NTM: variants seen among roughly 807,000 people sequenced by gnomAD.
NTM encodes the protein neurotrimin.
NTM carries 13 observed loss-of-function variants against 42.1 expected under a neutral mutation model. The ratio of observed to expected loss-of-function variants is 0.31; its 90% CI spans 0.20 to 0.49. The LOEUF is 0.49. NTM is among the 20% of genes least tolerant of loss of function. The pLI, the probability that NTM is intolerant of heterozygous loss-of-function variation, is 0.99. For missense variants in NTM, 373 were observed against 452.8 expected, an observed-to-expected ratio of 0.82 and a Z score of 1.60; for synonymous variants, 187 against 179.2, an observed-to-expected ratio of 1.04 and a Z score of -0.35.
chr11:131,597,900 T>C (rs2512885), intron 1 of NTM, among the ~76,000 whole-genome samples: 64,787 of 152,154 alleles, frequency 0.43, 16,035 homozygotes, highest in East Asian at 0.61. Context: ...TGAAAAGAAG[T>C]CCATCAGGAG....
chr11:131,611,123 C>T (rs140711959), intron 1 of NTM, among the ~76,000 whole-genome samples: 89 of 152,064 alleles, frequency 5.9e-4, no homozygotes, highest in African/African-American at 1.9e-3. Context: ...GAAGAGGCAT[C>T]GGGGACCAAG....
At chr11:131,699,250 AC>A (rs2135146053) in intron 1 of NTM, among the ~76,000 whole-genome samples, 1 of 152,304 alleles carries the variant, frequency 6.6e-6, no homozygotes, top group Admixed American at 6.5e-5. Context: ...GAAATTAGAA[AC>A]GTACTTTCCA....
intron 1 of NTM, among the ~76,000 whole-genome samples, chr11:131,784,179 A>T (rs1459476712): frequency 6.6e-6 from 1 of 152,184 alleles, no homozygotes; most frequent in East Asian, 1.9e-4. Context: ...ATTCTCATAT[A>T]TTGCTGGTAG....
At chr11:131,869,351 T>C (rs2047547869) in intron 1 of NTM, among the ~76,000 whole-genome samples, 2 of 152,202 alleles carry the variant, frequency 1.3e-5, no homozygotes, top group Admixed American at 6.5e-5. Context: ...TGCCAGTCAT[T>C]GTGTGATTTA....
intron 2 of NTM, among the ~76,000 whole-genome samples, chr11:131,936,207 T>G (rs2059200531): frequency 6.6e-6 from 1 of 152,226 alleles, no homozygotes; most frequent in Non-Finnish European, 1.5e-5. Context: ...TAACGTTGGT[T>G]AAAATTAAAA....
At chr11:132,276,475 T>A (rs2093731346) in intron 4 of NTM, among the ~76,000 whole-genome samples, 1 of 152,048 alleles carries the variant, frequency 6.6e-6, no homozygotes, top group African/African-American at 2.4e-5. Context: ...TGGTAAACAG[T>A]TTCCTAAATT....
chr11:131,448,084 C>T (rs1950200910), intron 1 of NTM, among the ~76,000 whole-genome samples: 1 of 152,260 alleles, frequency 6.6e-6, no homozygotes, highest in South Asian at 2.1e-4. Context: ...TGCCACCTCT[C>T]AGCACGTGTG....
At chr11:132,112,311 C>A (rs2063317530) in intron 2 of NTM, among the ~76,000 whole-genome samples, 1 of 152,282 alleles carries the variant, frequency 6.6e-6, no homozygotes, top group South Asian at 2.1e-4. Flanking sequence ...CAGCCTAGTT[C>A]TCTTCTTGCA....
chr11:131,859,082 C>CCATCCATCCATCCGTCCATCCATGTGTG (rs2136934472), intron 1 of NTM, among the ~76,000 whole-genome samples: 1 of 152,272 alleles, frequency 6.6e-6, no homozygotes, highest in African/African-American at 2.4e-5. Flanking sequence ...CAACATCCAT[C>CCATCCATCCATCCGTCCATCCATGTGTG]CATCCATCCA....
At chr11:131,984,749 C>T (rs1423757413) in intron 2 of NTM, 1 of 152,076 alleles carries the variant, frequency 6.6e-6, no homozygotes, top group Non-Finnish European at 1.5e-5. Flanking sequence ...TATTTTCAGG[C>T]AGATCCATTT....
At chr11:131,499,160 G>A (rs1420881914) in intron 1 of NTM, among the ~76,000 whole-genome samples, 2 of 152,190 alleles carry the variant, frequency 1.3e-5, no homozygotes, top group Admixed American at 1.3e-4. Context: ...AAAATGTCAG[G>A]AAACATAGAT....
intron 1 of NTM, among the ~76,000 whole-genome samples, chr11:131,692,103 A>G (rs1465126367): frequency 6.6e-6 from 1 of 152,164 alleles, no homozygotes; most frequent in Non-Finnish European, 1.5e-5. Context: ...ACAGGCTGAC[A>G]CTTCGCGGTT....
chr11:131,924,055 C>G (rs889788950), intron 2 of NTM, among the ~76,000 whole-genome samples: 1 of 152,222 alleles, frequency 6.6e-6, no homozygotes, highest in Non-Finnish European at 1.5e-5. Flanking sequence ...AAGGACCTGG[C>G]CTGCAGTGGG....
At chr11:131,773,075 T>C (rs751373721) in intron 1 of NTM, among the ~76,000 whole-genome samples, 80 of 152,340 alleles carry the variant, frequency 5.3e-4, no homozygotes, top group Non-Finnish European at 1.0e-3. Context: ...AGACTGAGTA[T>C]CTTATAAATA....
intron 1 of NTM, among the ~76,000 whole-genome samples, chr11:131,751,299 T>A (rs2082477073): frequency 6.6e-6 from 1 of 151,342 alleles, no homozygotes; most frequent in South Asian, 2.1e-4. Context: ...AATAAATAAA[T>A]AAAAAGGCTG....
At chr11:131,899,377 T>A (rs2052775872) in intron 1 of NTM, among the ~76,000 whole-genome samples, 1 of 152,210 alleles carries the variant, frequency 6.6e-6, no homozygotes, top group South Asian at 2.1e-4. Context: ...ATAGTATTTT[T>A]AAAAATGCCT....
intron 1 of NTM, among the ~76,000 whole-genome samples, chr11:131,447,608 G>T (rs1164324130): frequency 1.3e-5 from 2 of 152,140 alleles, no homozygotes; most frequent in Non-Finnish European, 2.9e-5. Flanking sequence ...TGGTTTGTTT[G>T]TATTTGTATT....
At chr11:132,225,858 T>G (rs2086148881) in intron 4 of NTM, among the ~76,000 whole-genome samples, 1 of 151,918 alleles carries the variant, frequency 6.6e-6, no homozygotes, top group Non-Finnish European at 1.5e-5. Flanking sequence ...GTATCCCTCC[T>G]CTAGCCCCCC....
intron 1 of NTM, among the ~76,000 whole-genome samples, chr11:131,588,931 A>G (rs1258576128): frequency 6.6e-6 from 1 of 152,220 alleles, no homozygotes; most frequent in Non-Finnish European, 1.5e-5. Context: ...GAGAAATGGC[A>G]TTAACAGGTG....
Sources: allele counts gnomAD v4.1 joint callset (sites outside exome capture counted in the v4.1 genomes callset), GRCh38; gene constraint gnomAD v4.1.1; transcripts MANE v1.5; gene names NCBI Gene and HGNC (gene_info 2026-07-23, HGNC 2026-07-21).